The following MYO6 variants were observed in gnomAD, a reference collection of about 807,000 sequenced individuals.
The protein encoded by MYO6 is myosin VI.
In MYO6, 74 loss-of-function variants were observed where a neutral mutation model predicts 178.7. The ratio of observed to expected loss-of-function variants is 0.41; its 90% CI spans 0.34 to 0.50. The LOEUF is 0.50. Ranked by LOEUF, MYO6 falls within the 20% of genes least tolerant of loss-of-function variation. The pLI is 0.09. For synonymous variants in MYO6, 477 were observed against 504.6 expected (o/e 0.95, Z 0.73); for missense variants, 1,330 against 1,547.4 (o/e 0.86, Z 2.36).
chr6:75,899,870 T>A (rs1779606194), intron 30 of MYO6, among the ~76,000 whole-genome samples: 1 of 138,998 alleles, frequency 7.2e-6, no homozygotes, highest in Admixed American at 7.1e-5. Flanking sequence ...TATCTCCCAA[T>A]GCTATCCCTC....
At chr6:75,769,655 A>C (rs1031285638) in intron 1 of MYO6, among the ~76,000 whole-genome samples, 1 of 152,072 alleles carries the variant, frequency 6.6e-6, no homozygotes, top group Non-Finnish European at 1.5e-5. Flanking sequence ...TAATCCCAGC[A>C]CTTTGGGAGG....
chr6:75,871,284 C>G (rs188998729), intron 19 of MYO6, among the ~76,000 whole-genome samples: 207 of 152,322 alleles, frequency 1.4e-3, no homozygotes, highest in South Asian at 0.01. Context: ...GTCTCATTCT[C>G]TCTCGCCCAG....
At chr6:75,795,101 C>T (rs1439824228) in intron 1 of MYO6, among the ~76,000 whole-genome samples, 1 of 152,182 alleles carries the variant, frequency 6.6e-6, no homozygotes, top group East Asian at 1.9e-4. Flanking sequence ...ACTTGAACTA[C>T]TCTGAAACTT....
chr6:75,908,740 C>T, intron 32 of MYO6, 113 bp downstream of exon 32: 2 of 1,173,094 alleles, frequency 1.7e-6, no homozygotes, highest in South Asian at 1.3e-5. Flanking sequence ...TATTTTAGAA[C>T]TGTGAGCCAT....
At chr6:75,768,511 G>A (rs898198364) in intron 1 of MYO6, among the ~76,000 whole-genome samples, 1 of 151,870 alleles carries the variant, frequency 6.6e-6, no homozygotes, top group Non-Finnish European at 1.5e-5. Flanking sequence ...CTCCCGAGTA[G>A]CTGGGACTAC....
chr6:75,807,700 C>T (rs1025109525), intron 1 of MYO6, among the ~76,000 whole-genome samples: 17 of 152,190 alleles, frequency 1.1e-4, no homozygotes, highest in Non-Finnish European at 2.4e-4. Flanking sequence ...ACAGACAGAG[C>T]AGCCCCAAAG....
At chr6:75,847,673 T>C (rs1255236852) in intron 10 of MYO6, among the ~76,000 whole-genome samples, 3 of 152,054 alleles carry the variant, frequency 2.0e-5, no homozygotes, top group Non-Finnish European at 4.4e-5. Context: ...TAATATACTT[T>C]ACCATATATA....
chr6:75,822,694 A>G (rs1275912740), intron 2 of MYO6, 88 bp from the exon 3 acceptor site: 2 of 961,494 alleles, frequency 2.1e-6, no homozygotes, highest in Admixed American at 1.7e-5. Context: ...TGTTGCCACT[A>G]TTACAGTGTA....
chr6:75,792,321 A>G (rs551696989), intron 1 of MYO6, among the ~76,000 whole-genome samples: 1 of 152,232 alleles, frequency 6.6e-6, no homozygotes, highest in Non-Finnish European at 1.5e-5. Context: ...ACCCTGGATG[A>G]TGAGAAGGGG....
intron 31 of MYO6, among the ~76,000 whole-genome samples, chr6:75,908,200 C>T (rs1780486320): frequency 6.6e-6 from 1 of 152,048 alleles, no homozygotes; most frequent in Non-Finnish European, 1.5e-5. Context: ...TTGTTGCCTT[C>T]GACAAATTGC....
intron 1 of MYO6, among the ~76,000 whole-genome samples, chr6:75,794,365 C>T (rs1425091724): frequency 6.6e-6 from 1 of 152,098 alleles, no homozygotes; most frequent in Admixed American, 6.5e-5. Context: ...GCCATATTAT[C>T]ATGGAAGTTT....
intron 25 of MYO6, 32 bp from the exon 26 acceptor site, chr6:75,890,025 T>A: frequency 6.7e-7 from 1 of 1,481,794 alleles, no homozygotes; most frequent in South Asian, 1.1e-5. Context: ...AGAAATAAGC[T>A]TTTACGTACC....
chr6:75,798,332 A>G (rs545336465), intron 1 of MYO6, among the ~76,000 whole-genome samples: 1 of 152,162 alleles, frequency 6.6e-6, no homozygotes, highest in Admixed American at 6.5e-5. Flanking sequence ...ATTCTGTCCC[A>G]TTGGTCTGTC....
intron 29 of MYO6, 134 bp from the exon 30 acceptor site, chr6:75,898,239 A>C (rs1287178019): frequency 1.5e-5 from 9 of 595,560 alleles, no homozygotes; most frequent in Non-Finnish European, 2.5e-5. Context: ...CTAGGCATTA[A>C]CAAAGTAAAA....
chr6:75,868,503 G>A (rs1776879015), intron 18 of MYO6, among the ~76,000 whole-genome samples: 1 of 151,728 alleles, frequency 6.6e-6, no homozygotes, highest in African/African-American at 2.4e-5. Context: ...TTTTTCTTTG[G>A]ATTACATAAT....
chr6:75,858,059 AATTATT>A (rs5877462), intron 13 of MYO6, among the ~76,000 whole-genome samples: 10 of 151,028 alleles, frequency 6.6e-5, no homozygotes, highest in South Asian at 2.1e-4. Flanking sequence ...AAAGGTAGAG[AATTATT>A]ATTATTATTA....
chr6:75,861,832 A>G (rs181049962), intron 15 of MYO6, among the ~76,000 whole-genome samples: 41 of 152,298 alleles, frequency 2.7e-4, no homozygotes, highest in Non-Finnish European at 1.5e-5. Context: ...TTTCCTTAAC[A>G]CACGGACCCT....
chr6:75,757,033 A>G (rs1318644619), intron 1 of MYO6, among the ~76,000 whole-genome samples: 2 of 140,858 alleles, frequency 1.4e-5, no homozygotes, highest in African/African-American at 5.2e-5. Context: ...ACACATATAT[A>G]GTGTGTATAT....
intron 33 of MYO6, among the ~76,000 whole-genome samples, chr6:75,912,897 A>G (rs911180032): frequency 6.6e-6 from 1 of 152,152 alleles, no homozygotes; most frequent in Non-Finnish European, 1.5e-5. Context: ...TAGCTTTGCT[A>G]ACTGCTTTTT....
Sources: gnomAD v4.1 joint callset for allele counts (sites outside exome capture counted in the v4.1 genomes callset) on GRCh38, gnomAD v4.1.1 for gene constraint, MANE v1.5 for transcripts, NCBI Gene and HGNC (gene_info 2026-07-23, HGNC 2026-07-21) for gene names.